Variants in LYPLA1 observed in about 807,000 individuals in gnomAD.
LYPLA1 encodes the protein acyl-protein thioesterase 1.
A neutral mutation model predicts 34.0 loss-of-function variants in LYPLA1; 17 were observed. The observed-to-expected ratio is 0.50, with a 90% CI of 0.34 to 0.75. The LOEUF is 0.75. Ranked by LOEUF, LYPLA1 falls within the 30% of genes least tolerant of loss-of-function variation. The probability of loss-of-function intolerance (pLI) is 0.01; values close to 1 mark genes in which losing one functional copy is unlikely to be tolerated. For missense variants in LYPLA1, 203 were observed against 288.8 expected (o/e 0.70, Z 2.15); for synonymous variants, 98 against 100.8 (o/e 0.97, Z 0.17).
At chr8:54,063,815 ACTTG>A (rs1382093004) in intron 3 of LYPLA1, among the ~76,000 whole-genome samples, 1 of 152,208 alleles carries the variant, frequency 6.6e-6, no homozygotes, top group African/African-American at 2.4e-5. Context: ...TTAGCTATGT[ACTTG>A]CTTAAGAGAC....
intron 2 of LYPLA1, among the ~76,000 whole-genome samples, 158 bp from the exon 3 acceptor site, chr8:54,065,971 C>G (rs1807036283): frequency 6.6e-6 from 1 of 152,144 alleles, no homozygotes; most frequent in African/African-American, 2.4e-5. Flanking sequence ...GCGTCTCGCT[C>G]TGTCGCCCAG....
rs1280301461 is a variant in LYPLA1, at chr8:54,047,073, G to C, written c.*992C>G. ...AATCATCTTAGAAGTTAGTTTTTAA[G>C]ATCAGTCTTAAAGATATTTCAGAAC... On this transcript the variant is annotated 3_prime_UTR_variant, in exon 9 of 9. Coordinates refer to ENST00000316963, the MANE Select transcript of LYPLA1 (RefSeq NM_006330.4). 6.6e-6 allele frequency: 1 copy of C among 152,074 alleles called. No homozygotes were observed. Among genetic ancestry groups the C allele is most frequent in the Non-Finnish European group, 1.5e-5 (1 of 67,976 alleles). 9.4% of individuals were successfully genotyped at this position (152,074 alleles called of 1,614,324 possible).
At chr8:54,081,533 C>T (rs1205865979) in intron 2 of LYPLA1, among the ~76,000 whole-genome samples, 2 of 152,122 alleles carry the variant, frequency 1.3e-5, no homozygotes, top group East Asian at 1.9e-4. Flanking sequence ...CTGCAACCTT[C>T]GCATCCCGGG....
chr8:54,055,145 ATGAAAGT>A lies in LYPLA1; in HGVS notation c.287-19_287-13del. 6.5e-7 allele frequency: 1 copy of A among 1,532,040 alleles called. No homozygotes were observed. Among genetic ancestry groups the A allele is most frequent in the Non-Finnish European group, 9.0e-7 (1 of 1,107,214 alleles). 94.9% of individuals were successfully genotyped at this position (1,532,040 alleles called of 1,614,324 possible). A position where few individuals can be genotyped will look rare whatever the true frequency, so the allele number is the denominator to read the frequency against. ...AATCAAAGCTTTTACTAAAAACAAC[ATGAAAGT>A]TAGTCAGCAATACTTTCAGAGTTAA... On this transcript the variant is annotated splice_polypyrimidine_tract_variant and intron_variant, in intron 5 of 8. Coordinates refer to ENST00000316963, the MANE Select transcript of LYPLA1 (RefSeq NM_006330.4).
rs1323308241 is a variant in LYPLA1 at position 54,063,349 on chromosome 8, A to T, written c.194T>A (p.Met65Lys). Reference sequence around the variant, plus strand: ...TTACCATGAAGGCATAGCCACGTTCATATTTAATGTAACAGGCCTAACAGG... The same window carrying T: ...TTACCATGAAGGCATAGCCACGTTCTTATTTAATGTAACAGGCCTAACAGG... ...HAPVRPVTLN[M>K]NVAMPSWFDI... Residue 65 changes from methionine to lysine, a missense_variant, in exon 4 of 9, where the codon ATG (methionine) becomes AAG (lysine). Met to Lys is a moderately conservative substitution (Grantham distance 95, BLOSUM62 -1). Around this residue, in one of 3 missense-constraint regions of LYPLA1, gnomAD observed 75 missense variants for 73.5 expected, o/e 1.02. Coordinates refer to ENST00000316963, the MANE Select transcript of LYPLA1 (RefSeq NM_006330.4). The T allele has an allele frequency of 6.5e-7, 1 of 1,539,458 alleles. No homozygotes were observed. Among genetic ancestry groups the T allele is most frequent in the Non-Finnish European group, 8.8e-7 (1 of 1,140,324 alleles).
At chr8:54,086,682 G>GT (rs1808812750) in intron 2 of LYPLA1, among the ~76,000 whole-genome samples, 1 of 151,186 alleles carries the variant, frequency 6.6e-6, no homozygotes, top group Non-Finnish European at 1.5e-5. Context: ...GTGCAGCATA[G>GT]TAAGACCCCA....
chr8:54,101,573 A>AC (rs1281504711), intron 1 of LYPLA1, 182 bp downstream of exon 1: 38 of 1,150,558 alleles, frequency 3.3e-5, no homozygotes, highest in Middle Eastern at 7.2e-4. Context: ...GCCGGCTGTG[A>AC]CCCCCCGGCT....
chr8:54,101,772 G>A lies in LYPLA1; in HGVS notation c.52C>T (p.Arg18Trp), dbSNP rs777064120. The A allele has an allele frequency of 2.3e-6, 3 of 1,299,302 alleles. No individual in the cohort carries two copies. Among genetic ancestry groups the A allele is most frequent in the African/African-American group, 1.5e-5 (1 of 65,416 alleles). The allele number at this position is 1,299,302 out of a possible 1,614,324, so 80.5% of individuals were successfully genotyped here. A position where few individuals can be genotyped will look rare whatever the true frequency, so the allele number is the denominator to read the frequency against. The change falls in exon 1 of 9, where the codon CGG becomes TGG. Residue 18 changes from arginine to tryptophan, a missense_variant. By Grantham distance (101) the Arg-to-Trp change is moderately radical (BLOSUM62 -3). This residue lies in a region of LYPLA1 where 75 missense variants were observed against 73.5 expected (regional missense o/e 1.02). Transcript: ENST00000316963. ...CCACTCACCGCAGCGGTGGCCTTCC[G>A]GGCGGCGGGCACGATGGCGGGCAGC... is the stretch of plus-strand genomic sequence containing the variant. ...TPLPAIVPAA[R>W]KATAAVIFLH...
intron 2 of LYPLA1, chr8:54,100,630 TC>T: frequency 2.4e-6 from 1 of 409,810 alleles, no homozygotes; most frequent in South Asian, 2.5e-5. Context: ...CTACTAACAT[TC>T]CACGGATCTC....
At chr8:54,072,015 AT>A (rs1319160077) in intron 2 of LYPLA1, among the ~76,000 whole-genome samples, 51 of 152,334 alleles carry the variant, frequency 3.3e-4, no homozygotes, top group African/African-American at 1.1e-3. Flanking sequence ...CCAAAACAGC[AT>A]GGTACTGGTA....
chr8:54,055,184 T>G, intron 5 of LYPLA1, 51 bp from the exon 6 acceptor site: 2 of 1,062,566 alleles, frequency 1.9e-6, no homozygotes, highest in Non-Finnish European at 2.8e-6. Context: ...TTAAGCCCAC[T>G]GATAAAATTT....
chr8:54,090,983 GA>G (rs1282605561), intron 2 of LYPLA1, among the ~76,000 whole-genome samples: 1 of 152,156 alleles, frequency 6.6e-6, no homozygotes, highest in Non-Finnish European at 1.5e-5. Flanking sequence ...GCAGAACTGT[GA>G]GTGAATTAAA....
intron 2 of LYPLA1, among the ~76,000 whole-genome samples, chr8:54,083,229 A>G (rs190930991): frequency 3.3e-5 from 5 of 152,348 alleles, no homozygotes; most frequent in African/African-American, 1.2e-4. Flanking sequence ...CACATGGTGA[A>G]GAAATGACTG....
intron 2 of LYPLA1, among the ~76,000 whole-genome samples, chr8:54,086,683 T>A (rs1808812478): frequency 6.6e-6 from 1 of 151,108 alleles, no homozygotes; most frequent in African/African-American, 2.4e-5. Context: ...TGCAGCATAG[T>A]AAGACCCCAT....
intron 2 of LYPLA1, among the ~76,000 whole-genome samples, chr8:54,089,628 CTTTT>C (rs879905074): frequency 7.0e-6 from 1 of 142,456 alleles, no homozygotes; most frequent in African/African-American, 2.6e-5. Context: ...TTGCCAACCT[CTTTT>C]TTTTTTTTTT....
At chr8:54,062,212 T>C (rs1436005630) in intron 5 of LYPLA1, 42 bp downstream of exon 5, 1 of 1,369,224 alleles carries the variant, frequency 7.3e-7, no homozygotes, top group African/African-American at 1.5e-5. Context: ...ACTAAAAACA[T>C]TTAAGAACAC....
chr8:54,097,170 T>C (rs1012378362), intron 2 of LYPLA1, among the ~76,000 whole-genome samples: 4 of 152,194 alleles, frequency 2.6e-5, no homozygotes, highest in Admixed American at 6.6e-5. Flanking sequence ...GGAAAGTAAC[T>C]GCAGTCGAGA....
chr8:54,076,245 CA>C (rs1807892944), intron 2 of LYPLA1, among the ~76,000 whole-genome samples: 1 of 151,912 alleles, frequency 6.6e-6, no homozygotes, highest in South Asian at 2.1e-4. Context: ...ATTAAAAGAA[CA>C]AATATTTAAA....
intron 6 of LYPLA1, chr8:54,054,305 ATGTT>A (rs1475947999): frequency 6.4e-6 from 1 of 156,056 alleles, no homozygotes; most frequent in African/African-American, 2.4e-5. Context: ...TTCTGTCCCT[ATGTT>A]TATGTCACAA....
Sources: allele counts gnomAD v4.1 joint callset (sites outside exome capture counted in the v4.1 genomes callset), GRCh38; gene constraint gnomAD v4.1.1; regional missense constraint gnomAD v4.1.1; transcripts MANE v1.5; gene names NCBI Gene and HGNC (gene_info 2026-07-23, HGNC 2026-07-21).